The following SMLR1 variants were observed in gnomAD, a reference collection of about 807,000 sequenced individuals.
SMLR1 encodes the protein small leucine-rich protein 1.
A neutral mutation model predicts 6.1 loss-of-function variants in SMLR1; 3 were observed. That is an observed-to-expected ratio of 0.49 (90% CI 0.22 to 1.28). The LOEUF is 1.28. Among genes scored for constraint, SMLR1 ranks in the 50% most tolerant of loss-of-function variants. The pLI is 0.19. For synonymous variants in SMLR1, 55 were observed against 53.6 expected, an observed-to-expected ratio of 1.03 and a Z score of -0.11; for missense variants, 126 against 124.8, an observed-to-expected ratio of 1.01 and a Z score of -0.05.
At chr6:130,833,428 T>A (rs949869423) in intron 1 of SMLR1, among the ~76,000 whole-genome samples, 125 of 152,282 alleles carry the variant, frequency 8.2e-4, no homozygotes, top group African/African-American at 2.9e-3. Flanking sequence ...TAAAAGGGAA[T>A]AAAGTACTCA....
At chr6:130,829,174 C>G (rs1774365969) in intron 1 of SMLR1, among the ~76,000 whole-genome samples, 2 of 152,096 alleles carry the variant, frequency 1.3e-5, no homozygotes, top group Non-Finnish European at 2.9e-5. Context: ...AAAACTGCAG[C>G]AAGTACAGGT....
chr6:130,835,717 T>C lies in SMLR1; in HGVS notation c.*762T>C, dbSNP rs975649586. Reference sequence around the variant, plus strand: ...TGTAATACCAAAATACAGGGAGCTATATCTAACTATGCGGATAAGTCAACA... The same window carrying C: ...TGTAATACCAAAATACAGGGAGCTACATCTAACTATGCGGATAAGTCAACA... On this transcript the variant is annotated 3_prime_UTR_variant, in exon 2 of 2. Transcript: ENST00000541421. 6.6e-6 allele frequency: 1 copy of C among 152,330 alleles called. No individual in the cohort carries two copies. The highest frequency in any genetic ancestry group is 2.4e-5 in the African/African-American group (1 of 41,566). The allele number at this position is 152,330 out of a possible 1,614,324, so 9.4% of individuals were successfully genotyped here.
intron 1 of SMLR1, among the ~76,000 whole-genome samples, chr6:130,831,519 C>A (rs988813922): frequency 1.3e-5 from 2 of 152,072 alleles, no homozygotes; most frequent in Non-Finnish European, 2.9e-5. Context: ...ATAGTTCTGG[C>A]ACCATTTTCC....
At position 130,836,238 on chromosome 6, in the gene SMLR1, C is replaced by T. The variant is rs1047088456; in HGVS notation, c.*1283C>T. On this transcript the variant is annotated 3_prime_UTR_variant, in exon 2 of 2. Coordinates refer to ENST00000541421, the MANE Select transcript of SMLR1 (RefSeq NM_001195597.2). ...ACTTGATTACAATGAAAATGTCTGC[C>T]GGGGTTTTCAGACTGAACTAATTCA... 3 of 152,134 alleles carry T rather than the reference C, an allele frequency of 2.0e-5. No homozygotes were observed. Among genetic ancestry groups the T allele is most frequent in the South Asian group, 2.1e-4 (1 of 4,830 alleles). 9.4% of individuals were successfully genotyped at this position (152,134 alleles called of 1,614,324 possible). A position where few individuals can be genotyped will look rare whatever the true frequency, so the allele number is the denominator to read the frequency against.
chr6:130,832,628 G>C (rs2128384714), intron 1 of SMLR1, among the ~76,000 whole-genome samples: 1 of 152,260 alleles, frequency 6.6e-6, no homozygotes, highest in African/African-American at 2.4e-5. Flanking sequence ...TTCTAAGAAG[G>C]CACTGTTTGT....
At chr6:130,830,804 C>A (rs1403822705) in intron 1 of SMLR1, among the ~76,000 whole-genome samples, 1 of 152,184 alleles carries the variant, frequency 6.6e-6, no homozygotes. Flanking sequence ...TACTGCTACA[C>A]TCCCACCAGC....
chr6:130,834,182 C>T (rs1774564311), intron 1 of SMLR1, among the ~76,000 whole-genome samples: 1 of 151,906 alleles, frequency 6.6e-6, no homozygotes, highest in South Asian at 2.1e-4. Flanking sequence ...CTAGTTATTG[C>T]CAGAGACATA....
chr6:130,831,465 G>A (rs1191865285), intron 1 of SMLR1, among the ~76,000 whole-genome samples: 4 of 152,034 alleles, frequency 2.6e-5, no homozygotes, highest in Non-Finnish European at 5.9e-5. Flanking sequence ...CTCCTAAGAA[G>A]AAAAGCCACC....
chr6:130,834,074 T>G (rs1328386590), intron 1 of SMLR1, among the ~76,000 whole-genome samples: 1 of 152,182 alleles, frequency 6.6e-6, no homozygotes, highest in African/African-American at 2.4e-5. Context: ...CAGTTGTTCC[T>G]GGTTTCAGGA....
At position 130,836,402 on chromosome 6, in the gene SMLR1, T is replaced by G. The variant is rs1192634040; in HGVS notation, c.*1447T>G. 1 of 152,198 alleles carries G rather than the reference T, an allele frequency of 6.6e-6. No homozygotes were observed. The allele number at this position is 152,198 out of a possible 1,614,324, so 9.4% of individuals were successfully genotyped here. On this transcript the variant is annotated 3_prime_UTR_variant, in exon 2 of 2. Coordinates refer to ENST00000541421, the MANE Select transcript of SMLR1 (RefSeq NM_001195597.2). ...AGAAAGTGTGAAAGGACAGATCGTA[T>G]TCCTATCTCAGGCAGCTGCCAGCCA... is the stretch of plus-strand genomic sequence containing the variant.
At chr6:130,827,789 G>A in intron 1 of SMLR1, 138 bp downstream of exon 1, 1 of 674,610 alleles carries the variant, frequency 1.5e-6, no homozygotes, top group East Asian at 2.8e-5. Flanking sequence ...CTCAATCAGT[G>A]TTCTCTCAAG....
At chr6:130,830,532 C>G (rs997988478) in intron 1 of SMLR1, among the ~76,000 whole-genome samples, 1 of 152,168 alleles carries the variant, frequency 6.6e-6, no homozygotes, top group African/African-American at 2.4e-5. Flanking sequence ...TGCCAACCAT[C>G]TGGAAGATGC....
rs942 is a variant in SMLR1, at chr6:130,835,086, C to T, written c.*131C>T. The stretch of plus-strand genomic sequence containing the variant: ...AAAATAGAAAGAATACTAAGATACT[C>T]ATTCTGAACCATACTGAAAAGTGGC... On this transcript the variant is annotated 3_prime_UTR_variant, in exon 2 of 2. Transcript: ENST00000541421. 227,110 of 719,514 alleles carry T rather than the reference C, an allele frequency of 0.32. 40,588 individuals are homozygous for T. Among genetic ancestry groups the T allele is most frequent in the Non-Finnish European group, 0.37 (161,141 of 431,722 alleles). 44.6% of individuals were successfully genotyped at this position (719,514 alleles called of 1,614,324 possible). A position where few individuals can be genotyped will look rare whatever the true frequency, so the allele number is the denominator to read the frequency against.
At chr6:130,830,816 C>T (rs2281488) in intron 1 of SMLR1, among the ~76,000 whole-genome samples, 5,243 of 152,238 alleles carry the variant, frequency 0.034, 279 homozygotes, top group East Asian at 0.27. Flanking sequence ...CCCACCAGCA[C>T]GACAGTTTAC....
chr6:130,828,076 A>G lies in SMLR1; in HGVS notation c.238+425A>G, dbSNP rs1195306911. ...TGTGTATGCGCCCGTGTGTGCACAC[A>G]CACAACTTTCTCATCCACTGAACTT... is the stretch of plus-strand genomic sequence containing the variant. On this transcript the variant is annotated intron_variant, in intron 1 of 1. Transcript: ENST00000541421. 2.0e-5 allele frequency among the ~76,000 whole-genome samples: 3 copies of G among 152,232 alleles called. No homozygotes were observed. In the East Asian group the frequency reaches 5.8e-4, roughly 29 times the overall value.
chr6:130,827,751 C>CATAT lies in SMLR1; in HGVS notation c.238+111_238+114dup, dbSNP rs113795427. 857 of 720,556 alleles carry CATAT rather than the reference C, an allele frequency of 1.2e-3. 2 individuals are homozygous for CATAT. In the East Asian group the frequency reaches 0.016, roughly 13 times the overall value. 44.6% of individuals were successfully genotyped at this position (720,556 alleles called of 1,614,324 possible). On this transcript the variant is annotated intron_variant, in intron 1 of 1. Coordinates refer to ENST00000541421, the MANE Select transcript of SMLR1 (RefSeq NM_001195597.2). ...GTCAGTGTTTTCTGGCCAGGAGAAA[C>CATAT]ATATATATATATATTTTGTAGGTAC... is the stretch of plus-strand genomic sequence containing the variant.
In SMLR1 at chr6:130,835,019, C is replaced by T; in HGVS notation, c.*64C>T. On this transcript the variant is annotated 3_prime_UTR_variant, in exon 2 of 2. Coordinates refer to ENST00000541421, the MANE Select transcript of SMLR1 (RefSeq NM_001195597.2). ...CTACTGGTCAGCAAGCAATGGCCAA[C>T]AGTTCAGCTAATAAAGTAGGTTGAT... The T allele has an allele frequency of 1.6e-6, 2 of 1,233,790 alleles. No homozygotes were observed. The highest frequency in any genetic ancestry group is 1.3e-5 in the South Asian group (1 of 77,724). The allele number at this position is 1,233,790 out of a possible 1,614,324, so 76.4% of individuals were successfully genotyped here. A position where few individuals can be genotyped will look rare whatever the true frequency, so the allele number is the denominator to read the frequency against.
chr6:130,834,122 A>G (rs1026484808), intron 1 of SMLR1, among the ~76,000 whole-genome samples: 1 of 152,156 alleles, frequency 6.6e-6, no homozygotes, highest in Admixed American at 6.5e-5. Context: ...GAAGATCCCA[A>G]CGAATATGTG....
At chr6:130,827,723 A>T (rs9388856) in intron 1 of SMLR1, 72 bp downstream of exon 1, 357,471 of 1,093,996 alleles carry the variant, frequency 0.33, 64,874 homozygotes, top group East Asian at 0.64. Flanking sequence ...ATACCGATGC[A>T]CTGTCAGTGT....
Sources: allele counts gnomAD v4.1 joint callset (sites outside exome capture counted in the v4.1 genomes callset), GRCh38; gene constraint gnomAD v4.1.1; transcripts MANE v1.5; gene names NCBI Gene and HGNC (gene_info 2026-07-23, HGNC 2026-07-21).